ZC3H15: variants seen among roughly 807,000 people sequenced by gnomAD.
The protein encoded by ZC3H15 is zinc finger CCCH domain-containing protein 15.
In ZC3H15, 15 loss-of-function variants were observed where a neutral mutation model predicts 51.2. The ratio of observed to expected loss-of-function variants is 0.29; its 90% CI spans 0.20 to 0.45. The LOEUF is 0.45. Among genes scored for constraint, ZC3H15 ranks in the 20% least tolerant of loss-of-function variants. The pLI is 1.00. For synonymous variants in ZC3H15, 144 were observed against 162.8 expected, an observed-to-expected ratio of 0.88 and a Z score of 0.88; for missense variants, 381 against 494.7, an observed-to-expected ratio of 0.77 and a Z score of 2.18.
At chr2:186,508,393 T>C in intron 9 of ZC3H15, 150 bp from the exon 10 acceptor site, 1 of 668,830 alleles carries the variant, frequency 1.5e-6, no homozygotes, top group Non-Finnish European at 2.5e-6. Context: ...CAGAAAAGAA[T>C]GATCAGTTCT....
In ZC3H15 at chr2:186,505,645, A is replaced by C. The variant is rs370257297; in HGVS notation, c.864+48A>C. On this transcript the variant is annotated intron_variant, in intron 7 of 9. Transcript: ENST00000337859. Reference sequence around the variant, plus strand: ...CTGATTCTTTATTCTTCCATTTTCAATTTCTGTGTCATGCAAGATTTTGTT... The same window carrying C: ...CTGATTCTTTATTCTTCCATTTTCACTTTCTGTGTCATGCAAGATTTTGTT... 1.3e-3 allele frequency: 2,090 copies of C among 1,599,730 alleles called. 2 individuals are homozygous for C. The highest frequency in any genetic ancestry group is 1.6e-3 in the Non-Finnish European group (1,911 of 1,170,906).
At chr2:186,498,925 A>G (rs1267991649) in intron 2 of ZC3H15, among the ~76,000 whole-genome samples, 10 of 152,202 alleles carry the variant, frequency 6.6e-5, no homozygotes, top group African/African-American at 2.2e-4. Context: ...ATGCATGTCT[A>G]TCTGCCTTCA....
chr2:186,497,920 C>G (rs904412376), intron 2 of ZC3H15, among the ~76,000 whole-genome samples: 2 of 152,162 alleles, frequency 1.3e-5, no homozygotes, highest in African/African-American at 2.4e-5. Flanking sequence ...GCTCTTAGAG[C>G]TGGACAGGGG....
At chr2:186,508,243 C>A (rs1685498345) in intron 9 of ZC3H15, among the ~76,000 whole-genome samples, 1 of 152,128 alleles carries the variant, frequency 6.6e-6, no homozygotes. Flanking sequence ...TATTTAAAAT[C>A]TAATTGCTAG....
chr2:186,505,594 A>G lies in ZC3H15; in HGVS notation c.861A>G (p.Leu287=). ...CTGACTTCAAAGCAGGGAAAGCACT[A>G]GTGGTATGTCTCAGGCTCACCCAAA... ...RKADFKAGKA[L]VISGREVFEF... The change falls in exon 7 of 10, where the codon CTA becomes CTG. Residue 287 remains leucine, a synonymous_variant. Coordinates refer to ENST00000337859, the MANE Select transcript of ZC3H15 (RefSeq NM_018471.3). The G allele has an allele frequency of 6.2e-7, 1 of 1,605,158 alleles. No individual in the cohort carries two copies. Among genetic ancestry groups the G allele is most frequent in the Non-Finnish European group, 8.5e-7 (1 of 1,176,542 alleles).
At chr2:186,491,829 T>C (rs1685204712) in intron 1 of ZC3H15, among the ~76,000 whole-genome samples, 1 of 152,152 alleles carries the variant, frequency 6.6e-6, no homozygotes, top group Non-Finnish European at 1.5e-5. Flanking sequence ...GATAAATAAG[T>C]GTCCCCTTTC....
At chr2:186,494,107 A>G (rs1164083683) in intron 1 of ZC3H15, among the ~76,000 whole-genome samples, 2 of 151,570 alleles carry the variant, frequency 1.3e-5, no homozygotes, top group Non-Finnish European at 2.9e-5. Context: ...CCCATACTGC[A>G]TACTTACTAA....
intron 4 of ZC3H15, 68 bp downstream of exon 4, chr2:186,501,493 TATTAA>T (rs1685384230): frequency 7.6e-7 from 1 of 1,309,924 alleles, no homozygotes; most frequent in Non-Finnish European, 1.0e-6. Context: ...CTAAGATATT[TATTAA>T]ATTGAAGAAC....
rs745600158 is a variant in ZC3H15 at position 186,508,525 on chromosome 2, T to G, written c.1091-18T>G. 1.9e-6 allele frequency: 3 copies of G among 1,611,860 alleles called. No homozygotes were observed. In the South Asian group the frequency reaches 3.3e-5, roughly 18 times the overall value. On this transcript the variant is annotated intron_variant, in intron 9 of 9. Coordinates refer to ENST00000337859, the MANE Select transcript of ZC3H15 (RefSeq NM_018471.3). ...TTTTCTGCTTCTACGCCTTACTGAT[T>G]CCAGTTTTTATATTTAGAAAACAAA... is the stretch of plus-strand genomic sequence containing the variant.
At chr2:186,498,744 CT>C (rs372557101) in intron 2 of ZC3H15, among the ~76,000 whole-genome samples, 4 of 152,114 alleles carry the variant, frequency 2.6e-5, no homozygotes, top group South Asian at 4.1e-4. Context: ...TTTTTAGGTT[CT>C]TTTGTCCCAT....
At chr2:186,492,409 C>A (rs540801140) in intron 1 of ZC3H15, among the ~76,000 whole-genome samples, 2 of 152,156 alleles carry the variant, frequency 1.3e-5, no homozygotes, top group Non-Finnish European at 2.9e-5. Flanking sequence ...GCAGAAACAT[C>A]CAGCTTGTTT....
intron 2 of ZC3H15, 33 bp from the exon 3 acceptor site, chr2:186,500,149 C>T: frequency 1.3e-6 from 2 of 1,563,006 alleles, no homozygotes; most frequent in Non-Finnish European, 1.7e-6. Flanking sequence ...TGTAAACAAT[C>T]AAATTTACAT....
chr2:186,494,237 G>GA (rs957838573), intron 1 of ZC3H15, among the ~76,000 whole-genome samples: 21 of 151,978 alleles, frequency 1.4e-4, no homozygotes, highest in Non-Finnish European at 2.1e-4. Context: ...CAGATTTAAA[G>GA]AAAATGTTGC....
chr2:186,487,239 C>T (rs879054883), intron 1 of ZC3H15: 1 of 152,090 alleles, frequency 6.6e-6, no homozygotes, highest in Admixed American at 6.6e-5. Flanking sequence ...CCTTTAATGG[C>T]CAAGGAACGC....
At chr2:186,502,699 T>G (rs1033578189) in intron 5 of ZC3H15, 112 bp downstream of exon 5, 4 of 865,864 alleles carry the variant, frequency 4.6e-6, no homozygotes, top group Non-Finnish European at 6.9e-6. Flanking sequence ...TACTGGAAAA[T>G]TTGATTTCAT....
chr2:186,493,306 T>C (rs1685228934), intron 1 of ZC3H15, among the ~76,000 whole-genome samples: 1 of 152,060 alleles, frequency 6.6e-6, no homozygotes, highest in Non-Finnish European at 1.5e-5. Context: ...AACAGGCCTC[T>C]CTGCTTCTGG....
At chr2:186,503,941 C>A in intron 5 of ZC3H15, 91 bp from the exon 6 acceptor site, 1 of 1,026,572 alleles carries the variant, frequency 9.7e-7, no homozygotes, top group South Asian at 2.4e-5. Flanking sequence ...ATATAACGTA[C>A]TTGTGTGTAT....
rs561530118 is a variant in ZC3H15 at position 186,491,706 on chromosome 2, T to C, written c.76-3527T>C. On this transcript the variant is annotated intron_variant, in intron 1 of 9. Coordinates refer to ENST00000337859, the MANE Select transcript of ZC3H15 (RefSeq NM_018471.3). ...CACTATACAGCCAGCCCCTTATTAATGACTTAACTTCAAATGAATTTATCA... is the reference window on the plus strand; with the variant it reads ...CACTATACAGCCAGCCCCTTATTAACGACTTAACTTCAAATGAATTTATCA... Among the ~76,000 whole-genome samples, 34 of 152,324 alleles carry C rather than the reference T, an allele frequency of 2.2e-4. No individual in the cohort carries two copies. The South Asian group carries it at 6.6e-3, about 30-fold the overall frequency.
intron 1 of ZC3H15, among the ~76,000 whole-genome samples, chr2:186,494,601 A>G (rs1209118675): frequency 6.6e-6 from 1 of 152,244 alleles, no homozygotes; most frequent in Non-Finnish European, 1.5e-5. Flanking sequence ...ATTTAACTAC[A>G]GGACTTCTTA....
Sources: gnomAD v4.1 joint callset for allele counts (sites outside exome capture counted in the v4.1 genomes callset) on GRCh38, gnomAD v4.1.1 for gene constraint, MANE v1.5 for transcripts, NCBI Gene and HGNC (gene_info 2026-07-23, HGNC 2026-07-21) for gene names.